Variants in EIF3L observed in about 807,000 individuals in gnomAD.
EIF3L encodes the protein eukaryotic translation initiation factor 3 subunit L.
In EIF3L, 32 loss-of-function variants were observed where a neutral mutation model predicts 74.6. The ratio of observed to expected loss-of-function variants is 0.43; its 90% CI spans 0.32 to 0.58. The LOEUF is 0.58. Ranked by LOEUF, EIF3L falls within the 20% of genes least tolerant of loss-of-function variation. The pLI is 0.06. For missense variants in EIF3L, 474 were observed against 707.8 expected (o/e 0.67, Z 3.75); for synonymous variants, 256 against 254.4 (o/e 1.01, Z -0.06).
chr22:37,851,721 A>G (rs1925235760), intron 3 of EIF3L, among the ~76,000 whole-genome samples: 1 of 152,180 alleles, frequency 6.6e-6, no homozygotes, highest in African/African-American at 2.4e-5. Flanking sequence ...GCTGGAGTGC[A>G]GTGGCAAGAT....
In EIF3L at chr22:37,856,202, G is replaced by A. The variant is rs549063865; in HGVS notation, c.373+558G>A. On this transcript the variant is annotated intron_variant, in intron 4 of 12. Transcript: ENST00000652021. ...AGCAATTCTCCTACCTCAGCCTCCC[G>A]CGTAGCTGGGATTACAGGCGCCCGC... Among the ~76,000 whole-genome samples the A allele has an allele frequency of 4.6e-5, 7 of 151,884 alleles. No individual in the cohort carries two copies. In the East Asian group the frequency reaches 5.8e-4, roughly 13 times the overall value.
Position 37,862,960 on chromosome 22 carries a change from T to G in EIF3L, c.436-9T>G. Reference sequence around the variant, plus strand: ...ATCTGTATCTTGATATCTCTTGTTTTCTTTACAGGGGGGACCTTCCTTGGA... The same window carrying G: ...ATCTGTATCTTGATATCTCTTGTTTGCTTTACAGGGGGGACCTTCCTTGGA... On this transcript the variant is annotated splice_polypyrimidine_tract_variant and intron_variant, in intron 5 of 12. Coordinates refer to ENST00000652021, the MANE Select transcript of EIF3L (RefSeq NM_016091.4). 1.2e-6 allele frequency: 2 copies of G among 1,603,688 alleles called. No homozygotes were observed. The highest frequency in any genetic ancestry group is 1.7e-6 in the Non-Finnish European group (2 of 1,174,208).
intron 8 of EIF3L, among the ~76,000 whole-genome samples, chr22:37,872,694 C>T (rs893509788): frequency 6.6e-6 from 1 of 152,162 alleles, no homozygotes; most frequent in African/African-American, 2.4e-5. Context: ...TCATGGCTCA[C>T]TGCATCCTCT....
intron 8 of EIF3L, among the ~76,000 whole-genome samples, chr22:37,871,699 C>T (rs550084415): frequency 7.2e-5 from 11 of 152,016 alleles, no homozygotes; most frequent in Non-Finnish European, 8.8e-5. Context: ...GAAACCTCAT[C>T]TCTACTAAAA....
intron 7 of EIF3L, among the ~76,000 whole-genome samples, chr22:37,866,989 ATCAAATTGTGT>A (rs1450226337): frequency 6.6e-6 from 1 of 152,196 alleles, no homozygotes; most frequent in African/African-American, 2.4e-5. Flanking sequence ...AATGGGCTGT[ATCAAATTGTGT>A]TACTACCAGC....
At chr22:37,878,271 C>G in intron 11 of EIF3L, 100 bp downstream of exon 11, 2 of 1,453,564 alleles carry the variant, frequency 1.4e-6, no homozygotes, top group Non-Finnish European at 1.8e-6. Context: ...AAAAAGATTC[C>G]TGGCCTTGTG....
Position 37,878,034 on chromosome 22 carries a change from G to C in EIF3L, c.1438G>C (p.Asp480His), listed in dbSNP as rs377263699. ...MPVAKLAGFL[D>H]LTEQEFRIQL... ...TGTGGCCAAGCTGGCTGGCTTCCTGGACCTCACAGAGCAGGAGTTCCGGAT... is the reference window on the plus strand; with the variant it reads ...TGTGGCCAAGCTGGCTGGCTTCCTGCACCTCACAGAGCAGGAGTTCCGGAT... The change falls in exon 11 of 13, where the codon GAC becomes CAC. Residue 480 changes from aspartate (D) to histidine (H), a missense_variant. Around this residue, in one of 4 missense-constraint regions of EIF3L, gnomAD observed 293 missense variants for 469.1 expected, o/e 0.62. Transcript: ENST00000652021. The C allele has an allele frequency of 6.2e-7, 1 of 1,613,888 alleles. No homozygotes were observed. The highest frequency in any genetic ancestry group is 1.3e-5 in the African/African-American group (1 of 74,910).
chr22:37,863,365 C>T lies in EIF3L; in HGVS notation c.579+20C>T, dbSNP rs1465478652. ...TACCAGGTATCTGGTCAGCTTCAGCCTAATTTGAAATAACTGGTCCATGCC... is the reference window on the plus strand; with the variant it reads ...TACCAGGTATCTGGTCAGCTTCAGCTTAATTTGAAATAACTGGTCCATGCC... On this transcript the variant is annotated intron_variant, in intron 7 of 12. Transcript: ENST00000652021. The T allele has an allele frequency of 1.3e-6, 2 of 1,590,786 alleles. No individual in the cohort carries two copies. Among genetic ancestry groups the T allele is most frequent in the Non-Finnish European group, 1.7e-6 (2 of 1,164,774 alleles).
intron 3 of EIF3L, among the ~76,000 whole-genome samples, chr22:37,853,995 A>G (rs1925364294): frequency 6.6e-6 from 1 of 152,256 alleles, no homozygotes; most frequent in Non-Finnish European, 1.5e-5. Context: ...TAGTAGCCAC[A>G]TGTAGCTAGT....
chr22:37,860,033 A>G (rs1322587381), intron 5 of EIF3L, among the ~76,000 whole-genome samples: 2 of 152,100 alleles, frequency 1.3e-5, no homozygotes, highest in African/African-American at 4.8e-5. Context: ...GAAAAATGCC[A>G]TCTGTATTAT....
At chr22:37,867,001 T>C (rs1382098750) in intron 7 of EIF3L, among the ~76,000 whole-genome samples, 1 of 152,196 alleles carries the variant, frequency 6.6e-6, no homozygotes, top group African/African-American at 2.4e-5. Flanking sequence ...CAAATTGTGT[T>C]ACTACCAGCG....
intron 11 of EIF3L, chr22:37,885,890 C>T (rs1350133428): frequency 6.7e-6 from 1 of 149,260 alleles, no homozygotes; most frequent in African/African-American, 2.5e-5. Flanking sequence ...CATCTTTATT[C>T]CCAAAATAAA....
intron 3 of EIF3L, 111 bp downstream of exon 3, chr22:37,851,601 G>GT: frequency 1.7e-6 from 1 of 578,452 alleles, no homozygotes; most frequent in South Asian, 1.8e-5. Context: ...GGGGTTGGGG[G>GT]GTGGGGGTCT....
chr22:37,881,150 G>A (rs1432218410), intron 11 of EIF3L: 1 of 152,258 alleles, frequency 6.6e-6, no homozygotes, highest in East Asian at 1.9e-4. Context: ...CCTCTCAGGA[G>A]GGGAGGTGGG....
At chr22:37,858,233 T>TTC (rs1166126349) in intron 4 of EIF3L, among the ~76,000 whole-genome samples, 1 of 139,638 alleles carries the variant, frequency 7.2e-6, no homozygotes, top group African/African-American at 2.7e-5. Flanking sequence ...TTTTTTTTTT[T>TTC]TTTTTTTTTT....
intron 4 of EIF3L, among the ~76,000 whole-genome samples, 157 bp downstream of exon 4, chr22:37,855,801 G>T (rs575367959): frequency 2.0e-5 from 3 of 152,120 alleles, no homozygotes; most frequent in African/African-American, 7.2e-5. Context: ...CTTGTCGAAG[G>T]CTGGATGATT....
chr22:37,852,006 G>T (rs1047913016), intron 3 of EIF3L, among the ~76,000 whole-genome samples: 10 of 152,032 alleles, frequency 6.6e-5, no homozygotes, highest in African/African-American at 2.4e-4. Flanking sequence ...GTTTCATCAT[G>T]TTGGCCAGGC....
intron 3 of EIF3L, among the ~76,000 whole-genome samples, chr22:37,852,087 A>T (rs1296912010): frequency 6.6e-6 from 1 of 152,166 alleles, no homozygotes; most frequent in Non-Finnish European, 1.5e-5. Context: ...TACAAGCGTG[A>T]GCCACCATGC....
At chr22:37,854,563 C>G (rs1366480995) in intron 3 of EIF3L, among the ~76,000 whole-genome samples, 2 of 152,196 alleles carry the variant, frequency 1.3e-5, no homozygotes, top group Non-Finnish European at 2.9e-5. Context: ...CGCCTCCTGG[C>G]TCCAAGCGAT....
Sources: gnomAD v4.1 joint callset for allele counts (sites outside exome capture counted in the v4.1 genomes callset) on GRCh38, gnomAD v4.1.1 for gene constraint, gnomAD v4.1.1 regional missense constraint, MANE v1.5 for transcripts, NCBI Gene and HGNC (gene_info 2026-07-23, HGNC 2026-07-21) for gene names.